SPATA18: variants seen among roughly 807,000 people sequenced by gnomAD.
The protein encoded by SPATA18 is spermatogenesis associated 18, also known as mitochondria-eating protein.
A neutral mutation model predicts 68.1 loss-of-function variants in SPATA18; 54 were observed. The ratio of observed to expected loss-of-function variants is 0.79; its 90% CI spans 0.64 to 0.99. The LOEUF is 0.99. Among genes scored for constraint, SPATA18 ranks in the 50% least tolerant of loss-of-function variants. The pLI, the probability that SPATA18 is intolerant of heterozygous loss-of-function variation, is 0.00. For synonymous variants in SPATA18, 242 were observed against 244.8 expected (o/e 0.99, Z 0.11); for missense variants, 724 against 681.1 (o/e 1.06, Z -0.70).
At chr4:52,069,329 C>T (rs1739597214) in intron 4 of SPATA18, among the ~76,000 whole-genome samples, 1 of 152,156 alleles carries the variant, frequency 6.6e-6, no homozygotes, top group Admixed American at 6.5e-5. Context: ...ACATGAAGTA[C>T]TTGATTGTCA....
At chr4:52,089,953 G>C (rs1448914798) in intron 11 of SPATA18, among the ~76,000 whole-genome samples, 1 of 152,186 alleles carries the variant, frequency 6.6e-6, no homozygotes, top group Non-Finnish European at 1.5e-5. Flanking sequence ...TTTGCTTTAT[G>C]AATCTGGGTG....
At chr4:52,075,608 A>G (rs1475498126) in intron 6 of SPATA18, among the ~76,000 whole-genome samples, 1 of 152,218 alleles carries the variant, frequency 6.6e-6, no homozygotes, top group East Asian at 1.9e-4. Context: ...CTGGAAAAGG[A>G]TGAGGCTCTC....
chr4:52,079,614 GT>G (rs369411825), intron 8 of SPATA18, 129 bp from the exon 9 acceptor site: 106 of 1,055,506 alleles, frequency 1.0e-4, no homozygotes, highest in Non-Finnish European at 1.4e-4. Flanking sequence ...CACATTCACT[GT>G]TTTTCTGCTT....
At chr4:52,088,609 G>T (rs1347218035) in intron 11 of SPATA18, among the ~76,000 whole-genome samples, 1 of 152,166 alleles carries the variant, frequency 6.6e-6, no homozygotes, top group African/African-American at 2.4e-5. Flanking sequence ...TATTGAACCA[G>T]CCTTGCATCC....
chr4:52,084,962 G>A lies in SPATA18; in HGVS notation c.1526G>A (p.Ser509Asn), dbSNP rs1741289230. 1 of 1,613,732 alleles carries A rather than the reference G, an allele frequency of 6.2e-7. No homozygotes were observed. The highest frequency in any genetic ancestry group is 8.5e-7 in the Non-Finnish European group (1 of 1,179,920). ...SVSRCRSRSLSPICPRSQIGL... is the reference protein window; with the variant it reads ...SVSRCRSRSLNPICPRSQIGL... ...AGTCGTTGTCGAAGCAGGAGTTTAA[G>A]TCCCATTTGCCCCCGTAGCCAAATT... Residue 509 changes from serine (S) to asparagine (N), a missense_variant, in exon 11 of 13, where the codon AGT (serine) becomes AAT (asparagine). Transcript: ENST00000295213.
intron 4 of SPATA18, among the ~76,000 whole-genome samples, chr4:52,063,113 C>T (rs1219532218): frequency 1.3e-5 from 2 of 152,100 alleles, no homozygotes; most frequent in East Asian, 3.9e-4. Context: ...CACAGCATTG[C>T]TTCATTGCTG....
Position 52,094,866 on chromosome 4 carries a change from AT to A in SPATA18, c.1610-9del, listed in dbSNP as rs75964604. 6.1e-5 allele frequency: 99 copies of A among 1,613,922 alleles called. 1 individual carries two copies. In the East Asian group the frequency reaches 2.1e-3, roughly 34 times the overall value. ...AAGTGACCATAATAATGAACTGTCT[AT>A]TTTTCTCCCTAGGATTTTAAAAGCA... On this transcript the variant is annotated splice_polypyrimidine_tract_variant and intron_variant, in intron 12 of 12. Transcript: ENST00000295213.
At chr4:52,088,380 C>T (rs1027984951) in intron 11 of SPATA18, among the ~76,000 whole-genome samples, 1 of 152,114 alleles carries the variant, frequency 6.6e-6, no homozygotes, top group African/African-American at 2.4e-5. Flanking sequence ...CCAGTTTTTA[C>T]CATTCAGCAA....
intron 4 of SPATA18, among the ~76,000 whole-genome samples, chr4:52,067,136 A>G (rs973862764): frequency 2.6e-5 from 4 of 152,100 alleles, no homozygotes; most frequent in African/African-American, 4.8e-5. Flanking sequence ...AAAAGTTCCT[A>G]TTTCTTTGCA....
At chr4:52,070,883 G>C (rs1056382339) in intron 5 of SPATA18, among the ~76,000 whole-genome samples, 5 of 74,458 alleles carry the variant, frequency 6.7e-5, no homozygotes, top group African/African-American at 1.0e-4. Context: ...GAGTAAGTGG[G>C]GGGGGGGGTG....
chr4:52,090,628 G>T (rs1741851424), intron 11 of SPATA18, among the ~76,000 whole-genome samples: 1 of 152,164 alleles, frequency 6.6e-6, no homozygotes, highest in Non-Finnish European at 1.5e-5. Flanking sequence ...CTTCTGGCTT[G>T]TAGGTTTTCT....
intron 6 of SPATA18, 78 bp from the exon 7 acceptor site, chr4:52,076,701 A>G: frequency 1.3e-6 from 2 of 1,577,994 alleles, no homozygotes; most frequent in East Asian, 2.2e-5. Flanking sequence ...GGTCGGATTC[A>G]TTGGCCACCA....
intron 11 of SPATA18, among the ~76,000 whole-genome samples, chr4:52,087,019 A>T (rs956707418): frequency 6.6e-6 from 1 of 152,206 alleles, no homozygotes; most frequent in African/African-American, 2.4e-5. Flanking sequence ...ATGACCAGTG[A>T]TGATGAGCAT....
Position 52,076,777 on chromosome 4 carries a change from A to G in SPATA18, c.759-2A>G. On this transcript the variant is annotated splice_acceptor_variant, in intron 6 of 12. Transcript: ENST00000295213. LOFTEE classifies it high-confidence loss of function. The stretch of plus-strand genomic sequence containing the variant: ...CCCTGGCTGATTCTCGCTCACCAAC[A>G]GGTCCTCCAGGAGCCGGTCTCCCAG... The G allele has an allele frequency of 1.2e-6, 2 of 1,612,612 alleles. No homozygotes were observed. The highest frequency in any genetic ancestry group is 1.7e-6 in the Non-Finnish European group (2 of 1,179,094).
intron 4 of SPATA18, among the ~76,000 whole-genome samples, chr4:52,069,524 G>A (rs1214128521): frequency 6.6e-6 from 1 of 152,160 alleles, no homozygotes; most frequent in Admixed American, 6.5e-5. Context: ...CAGGTGAGAA[G>A]GAGAAATTGA....
chr4:52,076,280 A>C (rs1304746961), intron 6 of SPATA18, among the ~76,000 whole-genome samples: 1 of 152,120 alleles, frequency 6.6e-6, no homozygotes, highest in Admixed American at 6.5e-5. Context: ...AGACTTGAGG[A>C]GGTAGGAAGT....
Position 52,096,934 on chromosome 4 carries a change from A to C in SPATA18, c.*2047A>C, listed in dbSNP as rs897139949. ...CCTACATATCAGAATTTTTTTTTTC[A>C]GGAGCCAAGCACATATACTGATTTG... On this transcript the variant is annotated 3_prime_UTR_variant, in exon 13 of 13. Transcript: ENST00000295213. 2.0e-5 allele frequency: 3 copies of C among 152,040 alleles called. No individual in the cohort carries two copies. The highest frequency in any genetic ancestry group is 2.0e-4 in the Admixed American group (3 of 15,256). 9.4% of individuals were successfully genotyped at this position (152,040 alleles called of 1,614,324 possible). A position where few individuals can be genotyped will look rare whatever the true frequency, so the allele number is the denominator to read the frequency against.
chr4:52,082,842 A>G (rs901360716), intron 10 of SPATA18: 1 of 985,142 alleles, frequency 1.0e-6, no homozygotes, highest in Non-Finnish European at 1.2e-6. Flanking sequence ...CCATAATCCT[A>G]AGCACTTAAA....
intron 4 of SPATA18, among the ~76,000 whole-genome samples, chr4:52,063,774 T>C (rs1739087877): frequency 6.6e-6 from 1 of 152,176 alleles, no homozygotes; most frequent in African/African-American, 2.4e-5. Flanking sequence ...CTCTGGGTTC[T>C]TGCTGGCCTT....
Sources: gnomAD v4.1 joint callset for allele counts (sites outside exome capture counted in the v4.1 genomes callset) on GRCh38, gnomAD v4.1.1 for gene constraint, MANE v1.5 for transcripts, NCBI Gene and HGNC (gene_info 2026-07-23, HGNC 2026-07-21) for gene names.